The following DUSP16 variants were observed in gnomAD, a reference collection of about 807,000 sequenced individuals.
DUSP16 encodes dual specificity phosphatase 16.
In DUSP16, 21 loss-of-function variants were observed where a neutral mutation model predicts 58.3. The ratio of observed to expected loss-of-function variants is 0.36; its 90% CI spans 0.26 to 0.52. The LOEUF (loss-of-function observed/expected upper bound fraction) is 0.52, where lower values mean the gene tolerates loss of function less well. Among genes scored for constraint, DUSP16 ranks in the 20% least tolerant of loss-of-function variants. DUSP16 has a pLI of 0.94. For missense variants in DUSP16, 726 were observed against 819.0 expected (o/e 0.89, Z 1.39); for synonymous variants, 320 against 323.8 (o/e 0.99, Z 0.12).
rs1415890897 is a variant in DUSP16, at chr12:12,474,482, G to T, written c.*2351C>A. On this transcript the variant is annotated 3_prime_UTR_variant, in exon 7 of 7. Coordinates refer to ENST00000298573, the MANE Select transcript of DUSP16 (RefSeq NM_030640.3). ...TGTATCACCCCTAGTAGACGCGAGG[G>T]TTTCCCCAATTACATGCTGAAGAGA... 1 of 152,274 alleles carries T rather than the reference G, an allele frequency of 6.6e-6. No individual in the cohort carries two copies. The highest frequency in any genetic ancestry group is 1.5e-5 in the Non-Finnish European group (1 of 68,052). The allele number at this position is 152,274 out of a possible 1,614,324, so 9.4% of individuals were successfully genotyped here.
chr12:12,555,207 G>A (rs1471063633), intron 1 of DUSP16, among the ~76,000 whole-genome samples: 1 of 152,206 alleles, frequency 6.6e-6, no homozygotes, highest in Non-Finnish European at 1.5e-5. Context: ...TGGAAAAGAA[G>A]AAGTCAGGTC....
chr12:12,523,459 T>C (rs908556628), intron 1 of DUSP16, among the ~76,000 whole-genome samples: 2 of 152,234 alleles, frequency 1.3e-5, no homozygotes, highest in African/African-American at 4.8e-5. Context: ...TCACAGAGGC[T>C]GACACACAGG....
intron 2 of DUSP16, 86 bp from the exon 3 acceptor site, chr12:12,520,086 TG>T (rs1944210161): frequency 7.4e-7 from 1 of 1,345,848 alleles, no homozygotes; most frequent in Non-Finnish European, 1.0e-6. Flanking sequence ...TTACCAGTGC[TG>T]GGGCGAATAA....
At chr12:12,548,642 A>G (rs1319514562) in intron 1 of DUSP16, among the ~76,000 whole-genome samples, 6 of 142,932 alleles carry the variant, frequency 4.2e-5, no homozygotes, top group Admixed American at 7.1e-5. Flanking sequence ...AAAAAAAAAA[A>G]AAAAAGAAAA....
At position 12,520,915 on chromosome 12, in the gene DUSP16, T is replaced by C. The variant is rs772770865; in HGVS notation, c.184A>G (p.Lys62Glu). 2 of 1,614,252 alleles carry C rather than the reference T, an allele frequency of 1.2e-6. No homozygotes were observed. The highest frequency in any genetic ancestry group is 2.2e-5 in the South Asian group (2 of 91,086). The change falls in exon 2 of 7, where the codon AAA becomes GAA. Residue 62 changes from lysine (K) to glutamate (E), a missense_variant. Transcript: ENST00000298573. ...KLMKRRLQQD[K>E]VLITELIQHS... ...TGGATGAGCTCTGTAATTAACACTT[T>C]GTCCTGTTGCAACCTTCGCTTCATA...
chr12:12,497,034 A>C (rs1943836857), intron 4 of DUSP16, among the ~76,000 whole-genome samples: 1 of 152,174 alleles, frequency 6.6e-6, no homozygotes, highest in Non-Finnish European at 1.5e-5. Context: ...AAATGTGACT[A>C]CTCCAAATTG....
intron 4 of DUSP16, among the ~76,000 whole-genome samples, chr12:12,488,383 G>C (rs923151932): frequency 6.6e-6 from 1 of 152,172 alleles, no homozygotes; most frequent in Non-Finnish European, 1.5e-5. Context: ...ACCATTAACA[G>C]ATAATTCTCA....
intron 4 of DUSP16, among the ~76,000 whole-genome samples, chr12:12,496,835 A>G (rs2136207920): frequency 6.6e-6 from 1 of 152,328 alleles, no homozygotes; most frequent in Admixed American, 6.5e-5. Context: ...GAAAGAACAC[A>G]CTCTGAGAAA....
rs142721569 is a variant in DUSP16 at position 12,556,725 on chromosome 12, A to G, written c.-366+5392T>C. 7.9e-5 allele frequency among the ~76,000 whole-genome samples: 12 copies of G among 152,364 alleles called. No individual in the cohort carries two copies. In the East Asian group the frequency reaches 2.3e-3, roughly 29 times the overall value. On this transcript the variant is annotated intron_variant, in intron 1 of 6. Transcript: ENST00000298573. ...TTGACCACTATGAAGGACATCTTCT[A>G]AACAATAACAAAACAAACCTGGCAG... is the stretch of plus-strand genomic sequence containing the variant.
At chr12:12,503,451 C>T (rs970898584) in intron 3 of DUSP16, among the ~76,000 whole-genome samples, 1 of 152,146 alleles carries the variant, frequency 6.6e-6, no homozygotes, top group South Asian at 2.1e-4. Flanking sequence ...TCATGAACTC[C>T]TGACCTCAGG....
intron 1 of DUSP16, among the ~76,000 whole-genome samples, 176 bp downstream of exon 1, chr12:12,561,941 C>T (rs1403430836): frequency 6.6e-6 from 1 of 150,448 alleles, no homozygotes; most frequent in Non-Finnish European, 1.5e-5. Context: ...CCCACGCCGC[C>T]TCCCGAAAGG....
At chr12:12,523,409 A>G (rs954907703) in intron 1 of DUSP16, among the ~76,000 whole-genome samples, 2 of 152,210 alleles carry the variant, frequency 1.3e-5, no homozygotes, top group African/African-American at 4.8e-5. Flanking sequence ...ATGTAATTCC[A>G]TCCTCCTATA....
chr12:12,527,145 G>T (rs949205555), intron 1 of DUSP16, among the ~76,000 whole-genome samples: 1 of 152,152 alleles, frequency 6.6e-6, no homozygotes, highest in Non-Finnish European at 1.5e-5. Flanking sequence ...ATATAATCAG[G>T]TGAGAAGTTT....
At chr12:12,515,782 T>C (rs1182731929) in intron 3 of DUSP16, among the ~76,000 whole-genome samples, 1 of 152,024 alleles carries the variant, frequency 6.6e-6, no homozygotes, top group Non-Finnish European at 1.5e-5. Flanking sequence ...AGAGAACTTT[T>C]TTTTTCTTTT....
Position 12,477,549 on chromosome 12 carries a change from C to G in DUSP16, c.1282G>C (p.Glu428Gln), listed in dbSNP as rs1316708475. ...HGFSSSEDALEYYKPSTTLDG... is the reference protein window; with the variant it reads ...HGFSSSEDALQYYKPSTTLDG... ...AGAGTAGTGGAAGGTTTGTAGTATT[C>G]CAAAGCATCTTCTGATGAGGAGAAG... is the stretch of plus-strand genomic sequence containing the variant. The change falls in exon 7 of 7, where the codon GAA (glutamate) becomes CAA (glutamine). Residue 428 changes from glutamate to glutamine, a missense_variant. Glu to Gln is a conservative substitution (Grantham distance 29, BLOSUM62 2). Coordinates refer to ENST00000298573, the MANE Select transcript of DUSP16 (RefSeq NM_030640.3). This position sits in a 1 kb window ranked among gnomAD's most constrained non-coding sequence, Gnocchi z 4.1. 6.2e-7 allele frequency: 1 copy of G among 1,611,422 alleles called. No individual in the cohort carries two copies. Among genetic ancestry groups the G allele is most frequent in the Non-Finnish European group, 8.5e-7 (1 of 1,178,454 alleles).
chr12:12,498,213 C>A (rs974003399), intron 4 of DUSP16, among the ~76,000 whole-genome samples: 3 of 151,858 alleles, frequency 2.0e-5, no homozygotes, highest in African/African-American at 7.3e-5. Flanking sequence ...AAAAAAGAGG[C>A]AAATCTAGTT....
chr12:12,553,648 T>A (rs1157848818), intron 1 of DUSP16, among the ~76,000 whole-genome samples: 1 of 152,054 alleles, frequency 6.6e-6, no homozygotes, highest in Non-Finnish European at 1.5e-5. Context: ...GCTCAGGTGA[T>A]CCTCCTACCT....
intron 1 of DUSP16, among the ~76,000 whole-genome samples, chr12:12,555,421 C>T (rs1944792522): frequency 6.6e-6 from 1 of 152,166 alleles, no homozygotes; most frequent in Admixed American, 6.5e-5. Flanking sequence ...AATTATTTGA[C>T]AAACATTTGT....
intron 1 of DUSP16, among the ~76,000 whole-genome samples, chr12:12,522,081 T>G (rs986657218): frequency 1.3e-5 from 2 of 152,146 alleles, no homozygotes; most frequent in Non-Finnish European, 2.9e-5. Context: ...TTCAGCTATC[T>G]TTTAAGGAAG....
Sources: allele counts gnomAD v4.1 joint callset (sites outside exome capture counted in the v4.1 genomes callset), GRCh38; gene constraint gnomAD v4.1.1; non-coding constraint Gnocchi (gnomAD v3.1); transcripts MANE v1.5; gene names NCBI Gene and HGNC (gene_info 2026-07-23, HGNC 2026-07-21).